Variants in ROBO2 observed in about 807,000 individuals in gnomAD.
ROBO2 encodes the protein roundabout guidance receptor 2, also known as roundabout homolog 2.
In ROBO2, 53 loss-of-function variants were observed where a neutral mutation model predicts 160.8. The ratio of observed to expected loss-of-function variants is 0.33; its 90% CI spans 0.26 to 0.41. The LOEUF is 0.41. ROBO2 is among the 10% of genes least tolerant of loss of function. The pLI, the probability that ROBO2 is intolerant of heterozygous loss-of-function variation, is 1.00. For missense variants in ROBO2, 1,577 were observed against 1,722.4 expected (o/e 0.92, Z 1.49); for synonymous variants, 664 against 611.7 (o/e 1.09, Z -1.26).
intron 2 of ROBO2, among the ~76,000 whole-genome samples, chr3:77,315,886 AT>A (rs58618844): frequency 7.1e-4 from 106 of 150,070 alleles, no homozygotes; most frequent in African/African-American, 2.1e-3. Context: ...ATTGCCCAGC[AT>A]TTTTTTTTTG....
intron 2 of ROBO2, among the ~76,000 whole-genome samples, chr3:77,368,061 G>A (rs2071186032): frequency 6.6e-6 from 1 of 152,074 alleles, no homozygotes; most frequent in Non-Finnish European, 1.5e-5. Context: ...TTCACATCAA[G>A]TAAACATTTT....
At chr3:77,490,633 G>A (rs1366328960) in intron 4 of ROBO2, among the ~76,000 whole-genome samples, 2 of 152,186 alleles carry the variant, frequency 1.3e-5, no homozygotes, top group East Asian at 1.9e-4. Context: ...AGGCATAAGA[G>A]GTTCATTTTT....
At chr3:77,453,252 A>G (rs2081297187) in intron 2 of ROBO2, among the ~76,000 whole-genome samples, 1 of 152,132 alleles carries the variant, frequency 6.6e-6, no homozygotes, top group African/African-American at 2.4e-5. Context: ...TTTTCATTCA[A>G]CATTTATTGA....
At chr3:76,343,503 T>C (rs2074351959) in intron 2 of ROBO2, among the ~76,000 whole-genome samples, 1 of 151,866 alleles carries the variant, frequency 6.6e-6, no homozygotes. Context: ...ATATAACCTA[T>C]AAATCAGAGG....
chr3:76,389,021 TAAA>T (rs1165601608), intron 2 of ROBO2, among the ~76,000 whole-genome samples: 1 of 152,128 alleles, frequency 6.6e-6, no homozygotes, highest in Non-Finnish European at 1.5e-5. Context: ...AAACTACACT[TAAA>T]AAAACTATAC....
intron 2 of ROBO2, among the ~76,000 whole-genome samples, chr3:76,755,836 G>A (rs1459204805): frequency 6.6e-6 from 1 of 151,680 alleles, no homozygotes; most frequent in Admixed American, 6.6e-5. Flanking sequence ...ATTTGCCTTA[G>A]TTGGGTCTGC....
chr3:76,388,318 C>T (rs2076989656), intron 2 of ROBO2, among the ~76,000 whole-genome samples: 1 of 151,262 alleles, frequency 6.6e-6, no homozygotes, highest in South Asian at 2.1e-4. Context: ...GTCGCCCAGG[C>T]TGGAGTGCAG....
chr3:77,016,920 A>G (rs1402573951), intron 2 of ROBO2, among the ~76,000 whole-genome samples: 1 of 152,220 alleles, frequency 6.6e-6, no homozygotes, highest in Non-Finnish European at 1.5e-5. Flanking sequence ...ATATTTCTTG[A>G]TGAAGTAAGC....
At chr3:76,195,816 G>T (rs1002284399) in intron 2 of ROBO2, among the ~76,000 whole-genome samples, 80 of 152,278 alleles carry the variant, frequency 5.3e-4, no homozygotes, top group African/African-American at 1.7e-3. Flanking sequence ...CAAAGGCAAA[G>T]GACAGCTGCA....
At chr3:77,417,777 T>G (rs2153528999) in intron 2 of ROBO2, among the ~76,000 whole-genome samples, 1 of 152,272 alleles carries the variant, frequency 6.6e-6, no homozygotes, top group South Asian at 2.1e-4. Flanking sequence ...TGACATAGAT[T>G]ATCATATGAA....
chr3:76,165,485 A>G (rs1477043560), intron 2 of ROBO2, among the ~76,000 whole-genome samples: 3 of 152,122 alleles, frequency 2.0e-5, no homozygotes, highest in African/African-American at 7.2e-5. Flanking sequence ...AACTTTCTCC[A>G]TATTAGCAAT....
chr3:76,812,817 T>G (rs964648073), intron 2 of ROBO2, among the ~76,000 whole-genome samples: 1 of 151,580 alleles, frequency 6.6e-6, no homozygotes, highest in African/African-American at 2.4e-5. Flanking sequence ...ACGGAAGAAA[T>G]TTTCTCACAA....
intron 2 of ROBO2, among the ~76,000 whole-genome samples, chr3:77,432,689 C>T (rs1313992887): frequency 6.6e-6 from 1 of 152,182 alleles, no homozygotes; most frequent in Non-Finnish European, 1.5e-5. Context: ...CCCAACTTTT[C>T]AGTGGGAGTG....
Position 76,837,991 on chromosome 3 carries a change from C to T in ROBO2, c.110-260023C>T, listed in dbSNP as rs556269296. 6.6e-5 allele frequency among the ~76,000 whole-genome samples: 10 copies of T among 152,124 alleles called. 1 individual carries two copies. The highest frequency in any genetic ancestry group is 6.2e-4 in the South Asian group (3 of 4,832). ...TCTTCTTAAAGCTAAAGAGGCAATA[C>T]TCTTTCATCTAATGAAATGTTTCAT... On this transcript the variant is annotated intron_variant, in intron 2 of 26. Transcript: ENST00000487694.
intron 2 of ROBO2, among the ~76,000 whole-genome samples, chr3:77,418,056 G>A (rs1177841333): frequency 1.3e-5 from 2 of 152,054 alleles, no homozygotes; most frequent in East Asian, 3.8e-4. Context: ...AATTAAATAA[G>A]CCTTGTTGCT....
chr3:75,954,440 A>T (rs1948657245), intron 2 of ROBO2, among the ~76,000 whole-genome samples: 3 of 151,798 alleles, frequency 2.0e-5, no homozygotes, highest in Admixed American at 1.3e-4. Flanking sequence ...TTTCTCCAAA[A>T]ACCACCTACC....
At chr3:76,677,921 A>G (rs941255254) in intron 2 of ROBO2, among the ~76,000 whole-genome samples, 28 of 124,124 alleles carry the variant, frequency 2.3e-4, no homozygotes, top group Admixed American at 9.0e-5. Flanking sequence ...TGACTAACCT[A>G]TAGGATCTAT....
chr3:77,545,863 G>T (rs1244359861), intron 6 of ROBO2, among the ~76,000 whole-genome samples: 1 of 151,922 alleles, frequency 6.6e-6, no homozygotes. Context: ...AAGAATAGGG[G>T]TCATATTTTA....
chr3:76,072,732 G>A (rs2068503453), intron 2 of ROBO2, among the ~76,000 whole-genome samples: 1 of 152,162 alleles, frequency 6.6e-6, no homozygotes, highest in Non-Finnish European at 1.5e-5. Context: ...ATCAAGAGCT[G>A]AGGGTGTTTA....
Sources: allele counts gnomAD v4.1 joint callset (sites outside exome capture counted in the v4.1 genomes callset), GRCh38; gene constraint gnomAD v4.1.1; transcripts MANE v1.5; gene names NCBI Gene and HGNC (gene_info 2026-07-23, HGNC 2026-07-21).